Variants in MDFIC2 observed in about 807,000 individuals in gnomAD.
The protein encoded by MDFIC2 is MyoD family inhibitor domain containing 2.
At chr3:70,219,444 T>C (rs923574686) in intron 2 of MDFIC2, among the ~76,000 whole-genome samples, 1 of 152,184 alleles carries the variant, frequency 6.6e-6, no homozygotes, top group African/African-American at 2.4e-5. Flanking sequence ...GCTGTAGTTC[T>C]TTGTCACCTT....
intron 2 of MDFIC2, among the ~76,000 whole-genome samples, chr3:70,258,231 G>A (rs1701834926): frequency 1.3e-5 from 2 of 151,954 alleles, no homozygotes; most frequent in Non-Finnish European, 2.9e-5. Context: ...GCAATAGGGT[G>A]GGCAACAATT....
At chr3:70,231,935 C>T (rs984684233) in intron 2 of MDFIC2, among the ~76,000 whole-genome samples, 1 of 152,132 alleles carries the variant, frequency 6.6e-6, no homozygotes. Flanking sequence ...CACCAAATAA[C>T]AGTCGTGTAT....
At chr3:70,226,212 C>A (rs1175593777) in intron 2 of MDFIC2, among the ~76,000 whole-genome samples, 1 of 152,158 alleles carries the variant, frequency 6.6e-6, no homozygotes, top group African/African-American at 2.4e-5. Context: ...AAGTGCCAGG[C>A]AATATACTAG....
At chr3:70,238,118 A>G (rs544277776) in intron 2 of MDFIC2, among the ~76,000 whole-genome samples, 1 of 151,070 alleles carries the variant, frequency 6.6e-6, no homozygotes, top group African/African-American at 2.4e-5. Context: ...ACACAGACAT[A>G]TGATAGCCAG....
chr3:70,232,493 G>A (rs1374912888), intron 2 of MDFIC2, among the ~76,000 whole-genome samples: 1 of 151,536 alleles, frequency 6.6e-6, no homozygotes, highest in Non-Finnish European at 1.5e-5. Context: ...TCCGACTCCC[G>A]GGTTCAAGTG....
chr3:70,301,903 A>G (rs988531681), intron 2 of MDFIC2, among the ~76,000 whole-genome samples: 2 of 152,120 alleles, frequency 1.3e-5, no homozygotes, highest in Non-Finnish European at 2.9e-5. Flanking sequence ...TACGTGAAAG[A>G]GGAGTTAAAA....
chr3:70,286,281 A>C, intron 2 of MDFIC2, among the ~76,000 whole-genome samples: 1 of 152,190 alleles, frequency 6.6e-6, no homozygotes, highest in Non-Finnish European at 1.5e-5. Flanking sequence ...ACATATGGCT[A>C]GCCAGTTTTC....
intron 2 of MDFIC2, among the ~76,000 whole-genome samples, chr3:70,266,028 C>T (rs1244314846): frequency 6.6e-6 from 1 of 152,090 alleles, no homozygotes; most frequent in African/African-American, 2.4e-5. Context: ...ATCATATCAC[C>T]AAAAAAGTTT....
intron 2 of MDFIC2, among the ~76,000 whole-genome samples, chr3:70,299,695 T>G (rs1172388712): frequency 6.6e-6 from 1 of 152,116 alleles, no homozygotes; most frequent in African/African-American, 2.4e-5. Flanking sequence ...AACTAGTCAC[T>G]CTGGTTTCAG....
rs115648248 is a variant in MDFIC2, at chr3:70,232,756, A to T, written c.89-25966T>A. Among the ~76,000 whole-genome samples the T allele has an allele frequency of 5.6e-3, 860 of 152,268 alleles. 1 individual carries two copies. Among genetic ancestry groups the T allele is most frequent in the South Asian group, 0.015 (72 of 4,824 alleles). The stretch of plus-strand genomic sequence containing the variant: ...AATACGTATTGTTTTTACCAATAAT[A>T]AATATTTATTCCATCACAGGGACTG... On this transcript the variant is annotated intron_variant, in intron 2 of 3. Transcript: ENST00000567252.
At chr3:70,198,030 T>C (rs1701198179) in intron 3 of MDFIC2, among the ~76,000 whole-genome samples, 1 of 152,190 alleles carries the variant, frequency 6.6e-6, no homozygotes. Context: ...AGTTAGAAGA[T>C]GTAGCAGTTC....
intron 2 of MDFIC2, among the ~76,000 whole-genome samples, chr3:70,286,334 G>GT (rs1448959233): frequency 1.3e-5 from 2 of 152,072 alleles, no homozygotes; most frequent in Non-Finnish European, 2.9e-5. Context: ...CCCATTTCTT[G>GT]TTTTTGTCAG....
intron 2 of MDFIC2, among the ~76,000 whole-genome samples, chr3:70,255,667 C>T (rs147704557): frequency 2.6e-5 from 4 of 152,196 alleles, no homozygotes; most frequent in Admixed American, 2.6e-4. Flanking sequence ...TTATGTTGCA[C>T]AGGCTGGTCT....
chr3:70,304,748 A>G (rs759967559), intron 2 of MDFIC2, among the ~76,000 whole-genome samples: 1 of 152,204 alleles, frequency 6.6e-6, no homozygotes, highest in Non-Finnish European at 1.5e-5. Context: ...ACCTCATGCA[A>G]TATAAATGAC....
chr3:70,245,699 A>C (rs553021650), intron 2 of MDFIC2, among the ~76,000 whole-genome samples: 1 of 138,938 alleles, frequency 7.2e-6, no homozygotes, highest in African/African-American at 2.6e-5. Context: ...ATATATATAT[A>C]TATATATATA....
At chr3:70,208,372 CT>C (rs924307337) in intron 2 of MDFIC2, among the ~76,000 whole-genome samples, 8 of 152,110 alleles carry the variant, frequency 5.3e-5, no homozygotes, top group Non-Finnish European at 8.8e-5. Context: ...CCAAGTCCAT[CT>C]TTATTTCCCT....
At chr3:70,246,284 T>C (rs994531799) in intron 2 of MDFIC2, among the ~76,000 whole-genome samples, 51 of 152,098 alleles carry the variant, frequency 3.4e-4, no homozygotes, top group Non-Finnish European at 6.5e-4. Context: ...AAGGTCACAC[T>C]TTGTTACTTG....
Position 70,194,899 on chromosome 3 carries a change from C to T in MDFIC2, c.*2027G>A, listed in dbSNP as rs1701161430. ...TAGACCACGGGTAGAGGGGTGGGTGCTCAGAGAGGAGCCAAGAGGGATGGG... is the reference window on the plus strand; with the variant it reads ...TAGACCACGGGTAGAGGGGTGGGTGTTCAGAGAGGAGCCAAGAGGGATGGG... On this transcript the variant is annotated 3_prime_UTR_variant, in exon 4 of 4. Transcript: ENST00000567252. Among the ~76,000 whole-genome samples the T allele has an allele frequency of 6.6e-6, 1 of 152,026 alleles. No individual in the cohort carries two copies. Among genetic ancestry groups the T allele is most frequent in the Admixed American group, 6.6e-5 (1 of 15,260 alleles).
intron 2 of MDFIC2, among the ~76,000 whole-genome samples, chr3:70,235,068 C>G (rs1024923527): frequency 1.3e-5 from 2 of 152,220 alleles, no homozygotes; most frequent in Non-Finnish European, 2.9e-5. Flanking sequence ...TATGATTGCA[C>G]TTTGCTGCAG....
Sources: gnomAD v4.1 joint callset for allele counts (sites outside exome capture counted in the v4.1 genomes callset) on GRCh38, gnomAD v4.1.1 for gene constraint, MANE v1.5 for transcripts, NCBI Gene and HGNC (gene_info 2026-07-23, HGNC 2026-07-21) for gene names.